Variants in MLLT3 observed in about 807,000 individuals in gnomAD.
MLLT3 encodes protein AF-9.
MLLT3 carries 4 observed loss-of-function variants against 53.2 expected under a neutral mutation model. The ratio of observed to expected loss-of-function variants is 0.08; its 90% CI spans 0.04 to 0.17. MLLT3 has a LOEUF of 0.17. MLLT3 is among the 10% of genes least tolerant of loss of function. The probability of loss-of-function intolerance (pLI) is 1.00; values close to 1 mark genes in which losing one functional copy is unlikely to be tolerated. For missense variants in MLLT3, 569 were observed against 684.0 expected (o/e 0.83, Z 1.87); for synonymous variants, 283 against 230.6 (o/e 1.23, Z -2.06).
At chr9:20,460,149 G>A (rs1184128488) in intron 2 of MLLT3, among the ~76,000 whole-genome samples, 1 of 152,148 alleles carries the variant, frequency 6.6e-6, no homozygotes, top group Admixed American at 6.5e-5. Flanking sequence ...ATGTTTGGGA[G>A]GGATCACCTT....
intron 5 of MLLT3, among the ~76,000 whole-genome samples, chr9:20,410,265 G>GA (rs1056331996): frequency 2.0e-4 from 30 of 152,030 alleles, no homozygotes; most frequent in Non-Finnish European, 3.1e-4. Context: ...GTTTGAAAGA[G>GA]AAAAAATCTC....
intron 4 of MLLT3, among the ~76,000 whole-genome samples, chr9:20,432,965 C>T (rs760248908): frequency 2.0e-5 from 3 of 152,068 alleles, no homozygotes; most frequent in Admixed American, 2.0e-4. Context: ...ATTTACTATA[C>T]AGTAGGCACC....
rs77224033 is a variant in MLLT3, at chr9:20,524,822, C to G, written c.194-68036G>C. On this transcript the variant is annotated intron_variant, in intron 2 of 10. Coordinates refer to ENST00000380338, the MANE Select transcript of MLLT3 (RefSeq NM_004529.4). Reference sequence around the variant, plus strand: ...TTCCCCAACTCCACACCCCCTCTACCTTGCTTGTTTTCACAAATGTATTCC... The same window carrying G: ...TTCCCCAACTCCACACCCCCTCTACGTTGCTTGTTTTCACAAATGTATTCC... 4.3e-4 allele frequency among the ~76,000 whole-genome samples: 66 copies of G among 152,288 alleles called. 1 individual carries two copies. In the East Asian group the frequency reaches 0.013, roughly 29 times the overall value.
At chr9:20,470,852 C>G (rs1824372712) in intron 2 of MLLT3, among the ~76,000 whole-genome samples, 1 of 151,950 alleles carries the variant, frequency 6.6e-6, no homozygotes, top group South Asian at 2.1e-4. Context: ...ACACATACCC[C>G]CTTCTAAATA....
intron 4 of MLLT3, among the ~76,000 whole-genome samples, chr9:20,443,598 C>A (rs1329509941): frequency 6.6e-6 from 1 of 152,130 alleles, no homozygotes; most frequent in Non-Finnish European, 1.5e-5. Context: ...TCTATCAATG[C>A]GCTGGTTACA....
At chr9:20,381,378 G>A (rs1170580017) in intron 5 of MLLT3, among the ~76,000 whole-genome samples, 1 of 151,834 alleles carries the variant, frequency 6.6e-6, no homozygotes, top group Non-Finnish European at 1.5e-5. Context: ...CACGCTTTCC[G>A]ATATTCCAAA....
intron 2 of MLLT3, among the ~76,000 whole-genome samples, chr9:20,536,083 C>G (rs1424938446): frequency 6.6e-6 from 1 of 151,866 alleles, no homozygotes; most frequent in Non-Finnish European, 1.5e-5. Flanking sequence ...AGGCAAAGAG[C>G]CAATCAATCC....
chr9:20,537,792 G>A (rs563486488), intron 2 of MLLT3, among the ~76,000 whole-genome samples: 1 of 152,288 alleles, frequency 6.6e-6, no homozygotes, highest in East Asian at 1.9e-4. Context: ...TAAAGTCTAA[G>A]TTGCAAAATG....
intron 2 of MLLT3, among the ~76,000 whole-genome samples, chr9:20,554,668 T>G (rs1454592584): frequency 6.6e-6 from 1 of 152,222 alleles, no homozygotes; most frequent in African/African-American, 2.4e-5. Flanking sequence ...GGATACCTAC[T>G]TTCCCTCTGT....
intron 2 of MLLT3, among the ~76,000 whole-genome samples, chr9:20,535,768 A>G (rs573401699): frequency 7.2e-5 from 11 of 152,314 alleles, no homozygotes; most frequent in Non-Finnish European, 1.5e-4. Flanking sequence ...CTCAACTCCC[A>G]CATGTCCCAC....
chr9:20,549,152 G>C (rs1818863651), intron 2 of MLLT3, among the ~76,000 whole-genome samples: 2 of 152,234 alleles, frequency 1.3e-5, no homozygotes, highest in Admixed American at 1.3e-4. Flanking sequence ...ATAATAAAAT[G>C]AGGCATTAGG....
intron 2 of MLLT3, among the ~76,000 whole-genome samples, chr9:20,565,924 A>ATATATATATATATT (rs1209876005): frequency 3.5e-4 from 10 of 28,352 alleles, no homozygotes; most frequent in East Asian, 3.3e-3. Context: ...ATATATATTT[A>ATATATATATATATT]TATATATATA....
At chr9:20,560,481 A>C (rs1037197732) in intron 2 of MLLT3, among the ~76,000 whole-genome samples, 1 of 152,228 alleles carries the variant, frequency 6.6e-6, no homozygotes, top group African/African-American at 2.4e-5. Flanking sequence ...GGAAAAGAGC[A>C]AAAACAAGAC....
chr9:20,390,210 T>C (rs148847626), intron 5 of MLLT3, among the ~76,000 whole-genome samples: 78 of 152,258 alleles, frequency 5.1e-4, no homozygotes, highest in African/African-American at 1.9e-3. Flanking sequence ...TGTTGAGATA[T>C]TTGGAGGAAA....
chr9:20,418,396 G>A (rs1822927938), intron 4 of MLLT3: 1 of 152,194 alleles, frequency 6.6e-6, no homozygotes. Context: ...AACTACGAAT[G>A]GAGTATTAAA....
In MLLT3 at chr9:20,548,669, T is replaced by C. The variant is rs529518516; in HGVS notation, c.193+71985A>G. 1.2e-4 allele frequency among the ~76,000 whole-genome samples: 18 copies of C among 152,308 alleles called. No individual in the cohort carries two copies. In the East Asian group the frequency reaches 3.1e-3, roughly 26 times the overall value. On this transcript the variant is annotated intron_variant, in intron 2 of 10. Coordinates refer to ENST00000380338, the MANE Select transcript of MLLT3 (RefSeq NM_004529.4). ...ATCCCCTGTCCCAGGTGTAATCTCTTCTGCGGGCTCTGGGCAGCAGGCTGA... is the reference window on the plus strand; with the variant it reads ...ATCCCCTGTCCCAGGTGTAATCTCTCCTGCGGGCTCTGGGCAGCAGGCTGA...
intron 5 of MLLT3, among the ~76,000 whole-genome samples, chr9:20,408,896 A>G (rs1822654942): frequency 2.0e-5 from 3 of 151,938 alleles, no homozygotes; most frequent in Non-Finnish European, 4.4e-5. Flanking sequence ...TTTCTTTTTG[A>G]AAGAAATTTC....
intron 2 of MLLT3, among the ~76,000 whole-genome samples, chr9:20,464,402 G>C (rs746051534): frequency 2.0e-5 from 3 of 152,064 alleles, no homozygotes; most frequent in Non-Finnish European, 4.4e-5. Flanking sequence ...AGCAATAAAC[G>C]TAATTGACAG....
chr9:20,365,051 T>C (rs1018141712), intron 6 of MLLT3, among the ~76,000 whole-genome samples: 1 of 152,218 alleles, frequency 6.6e-6, no homozygotes, highest in African/African-American at 2.4e-5. Context: ...GGAGGAAAGA[T>C]GAAAACCTAT....
Sources: gnomAD v4.1 joint callset for allele counts (sites outside exome capture counted in the v4.1 genomes callset) on GRCh38, gnomAD v4.1.1 for gene constraint, MANE v1.5 for transcripts, NCBI Gene and HGNC (gene_info 2026-07-23, HGNC 2026-07-21) for gene names.